The following IL1RAPL1 variants were observed in gnomAD, a reference collection of about 807,000 sequenced individuals.
IL1RAPL1 encodes interleukin 1 receptor accessory protein like 1, also known as interleukin-1 receptor accessory protein-like 1.
In IL1RAPL1, 3 loss-of-function variants were observed where a neutral mutation model predicts 48.4. The observed-to-expected ratio is 0.06, with a 90% CI of 0.03 to 0.16. The LOEUF is 0.16. Ranked by LOEUF, IL1RAPL1 falls within the 10% of genes least tolerant of loss-of-function variation. The probability of loss-of-function intolerance (pLI) is 1.00; values close to 1 mark genes in which losing one functional copy is unlikely to be tolerated. For synonymous variants in IL1RAPL1, 185 were observed against 187.7 expected, an observed-to-expected ratio of 0.99 and a Z score of 0.12; for missense variants, 349 against 530.6, an observed-to-expected ratio of 0.66 and a Z score of 3.36.
intron 6 of IL1RAPL1, among the ~76,000 whole-genome samples, chrX:29,871,388 G>A (rs184604902): frequency 1.8e-5 from 2 of 112,278 alleles, no homozygotes; most frequent in Admixed American, 9.4e-5. Flanking sequence ...CTAAACCATT[G>A]AGAACAGATG....
intron 2 of IL1RAPL1, among the ~76,000 whole-genome samples, chrX:29,179,409 C>T (rs1930098430): frequency 9.0e-6 from 1 of 111,697 alleles, no homozygotes; most frequent in African/African-American, 3.3e-5. Flanking sequence ...CCTTCTCAAC[C>T]AGTTCAAGTT....
chrX:28,829,114 A>T (rs1045067820), intron 2 of IL1RAPL1, among the ~76,000 whole-genome samples: 17 of 111,913 alleles, frequency 1.5e-4, no homozygotes, highest in African/African-American at 5.5e-4. Flanking sequence ...ATTGTAAATT[A>T]ATTTGTTTTC....
intron 5 of IL1RAPL1, among the ~76,000 whole-genome samples, chrX:29,641,731 TTCTATC>T (rs1291383660): frequency 1.8e-5 from 2 of 112,483 alleles, no homozygotes; most frequent in Non-Finnish European, 3.8e-5. Context: ...TGACTCTTCT[TTCTATC>T]TCTATCTCCA....
intron 2 of IL1RAPL1, among the ~76,000 whole-genome samples, chrX:28,952,540 A>G (rs1247998171): frequency 9.0e-6 from 1 of 111,595 alleles, no homozygotes; most frequent in Non-Finnish European, 1.9e-5. Context: ...TTTCTCATCT[A>G]AGCAAGTATT....
chrX:29,176,306 G>C (rs1381034854), intron 2 of IL1RAPL1, among the ~76,000 whole-genome samples: 3 of 101,376 alleles, frequency 3.0e-5, no homozygotes, highest in African/African-American at 1.1e-4. Flanking sequence ...GGGTTTCACC[G>C]TGTTAGCCAG....
intron 1 of IL1RAPL1, among the ~76,000 whole-genome samples, chrX:28,658,226 A>G (rs770155399): frequency 8.9e-5 from 10 of 112,200 alleles, no homozygotes; most frequent in African/African-American, 3.2e-4. Flanking sequence ...TAATTAATTT[A>G]TTTATTTTTG....
At chrX:29,272,301 G>C (rs1354855315) in intron 2 of IL1RAPL1, among the ~76,000 whole-genome samples, 1 of 111,616 alleles carries the variant, frequency 9.0e-6, no homozygotes, top group African/African-American at 3.3e-5. Flanking sequence ...TTTGGTTACT[G>C]TAGCCTTGTA....
chrX:28,917,947 G>A (rs1414080240), intron 2 of IL1RAPL1, among the ~76,000 whole-genome samples: 1 of 112,066 alleles, frequency 8.9e-6, no homozygotes, highest in Non-Finnish European at 1.9e-5. Context: ...CCAATTAAAT[G>A]TATGCTTATT....
intron 1 of IL1RAPL1, among the ~76,000 whole-genome samples, chrX:28,680,335 G>T (rs1471556214): frequency 9.0e-6 from 1 of 111,094 alleles, no homozygotes; most frequent in Non-Finnish European, 1.9e-5. Flanking sequence ...TACTGAATTT[G>T]TTCATTATTC....
At chrX:29,194,046 G>A (rs915284124) in intron 2 of IL1RAPL1, among the ~76,000 whole-genome samples, 2 of 111,721 alleles carry the variant, frequency 1.8e-5, no homozygotes, top group African/African-American at 6.5e-5. Context: ...GTTTTTCACA[G>A]TAAGGTTGCT....
At chrX:28,862,468 G>T (rs1305131687) in intron 2 of IL1RAPL1, among the ~76,000 whole-genome samples, 1 of 111,783 alleles carries the variant, frequency 8.9e-6, no homozygotes, top group African/African-American at 3.3e-5. Context: ...ATTGGGCAGA[G>T]AAAAGAGTTC....
chrX:28,818,518 A>T (rs986609325), intron 2 of IL1RAPL1, among the ~76,000 whole-genome samples: 5 of 110,297 alleles, frequency 4.5e-5, no homozygotes, highest in African/African-American at 1.6e-4. Flanking sequence ...TAATTTATAT[A>T]TATACATTAT....
chrX:29,312,034 C>A (rs1285226900), intron 3 of IL1RAPL1, among the ~76,000 whole-genome samples: 1 of 111,708 alleles, frequency 9.0e-6, no homozygotes, highest in East Asian at 2.8e-4. Context: ...CTGGTAAGTT[C>A]TAAGAAACAC....
At chrX:29,562,496 A>G (rs1235958316) in intron 5 of IL1RAPL1, among the ~76,000 whole-genome samples, 1 of 111,347 alleles carries the variant, frequency 9.0e-6, no homozygotes, top group African/African-American at 3.3e-5. Flanking sequence ...AAAGTATAAA[A>G]TTATGATCTT....
intron 3 of IL1RAPL1, among the ~76,000 whole-genome samples, chrX:29,295,824 C>T (rs1932441885): frequency 9.0e-6 from 1 of 111,600 alleles, no homozygotes; most frequent in South Asian, 3.8e-4. Context: ...TCCTTCCCAC[C>T]TTTAAGAACA....
Position 29,855,319 on chromosome X carries a change from C to T in IL1RAPL1, c.779-62145C>T, listed in dbSNP as rs151202335. On this transcript the variant is annotated intron_variant, in intron 6 of 10. Transcript: ENST00000378993. The stretch of plus-strand genomic sequence containing the variant: ...ACATGTTTGTGTATGTGCATAAACA[C>T]AAGTACAGAAACTCACATGTACGCT... 6.2e-5 allele frequency among the ~76,000 whole-genome samples: 7 copies of T among 112,244 alleles called. No individual in the cohort carries two copies. In the East Asian group the frequency reaches 1.7e-3, roughly 27 times the overall value.
intron 2 of IL1RAPL1, among the ~76,000 whole-genome samples, chrX:28,986,194 G>T (rs1274538842): frequency 8.9e-6 from 1 of 111,734 alleles, no homozygotes; most frequent in Non-Finnish European, 1.9e-5. Flanking sequence ...CAACCTCAAA[G>T]TTGTGCCTAA....
chrX:29,422,654 A>G (rs1457375395), intron 5 of IL1RAPL1, among the ~76,000 whole-genome samples: 1 of 111,968 alleles, frequency 8.9e-6, no homozygotes, highest in Non-Finnish European at 1.9e-5. Flanking sequence ...GCCAAGGGCA[A>G]GTTGACTTTT....
chrX:29,421,342 C>G (rs931487007), intron 5 of IL1RAPL1, among the ~76,000 whole-genome samples: 3 of 111,007 alleles, frequency 2.7e-5, no homozygotes, highest in African/African-American at 9.9e-5. Flanking sequence ...CACCCCAGAA[C>G]AGGAGAGGCC....
Sources: allele counts gnomAD v4.1 joint callset (sites outside exome capture counted in the v4.1 genomes callset), GRCh38; gene constraint gnomAD v4.1.1; transcripts MANE v1.5; gene names NCBI Gene and HGNC (gene_info 2026-07-23, HGNC 2026-07-21).